Variants in C10orf90 observed in about 807,000 individuals in gnomAD.
C10orf90 encodes the protein chromosome 10 open reading frame 90.
A neutral mutation model predicts 62.5 loss-of-function variants in C10orf90; 56 were observed. That is an observed-to-expected ratio of 0.90 (90% CI 0.72 to 1.12). C10orf90 has a LOEUF of 1.12. C10orf90 is among the 50% of genes most tolerant of loss of function. The pLI, the probability that C10orf90 is intolerant of heterozygous loss-of-function variation, is 0.00. For synonymous variants in C10orf90, 386 were observed against 340.4 expected, an observed-to-expected ratio of 1.13 and a Z score of -1.47; for missense variants, 970 against 880.4, an observed-to-expected ratio of 1.10 and a Z score of -1.29.
chr10:126,646,165 T>C (rs1330414444), intron 2 of C10orf90, among the ~76,000 whole-genome samples: 3 of 152,346 alleles, frequency 2.0e-5, no homozygotes, highest in African/African-American at 7.2e-5. Flanking sequence ...GAATGGAAGC[T>C]TTATAAAAAA....
At chr10:126,559,133 T>C (rs892408216) in intron 2 of C10orf90, among the ~76,000 whole-genome samples, 2 of 152,368 alleles carry the variant, frequency 1.3e-5, no homozygotes, top group Non-Finnish European at 2.9e-5. Flanking sequence ...TATACCTGGC[T>C]GTGTTGTTTA....
intron 2 of C10orf90, among the ~76,000 whole-genome samples, chr10:126,609,794 T>C (rs777241441): frequency 4.4e-4 from 67 of 152,200 alleles, no homozygotes; most frequent in Non-Finnish European, 9.0e-4. Flanking sequence ...TGGCTCTGCA[T>C]GGGCAGGGGG....
intron 4 of C10orf90, among the ~76,000 whole-genome samples, chr10:126,500,168 C>A (rs1352308257): frequency 1.3e-5 from 2 of 152,164 alleles, no homozygotes; most frequent in African/African-American, 4.8e-5. Context: ...GGGTAACTGG[C>A]AACCAAATAC....
intron 2 of C10orf90, among the ~76,000 whole-genome samples, chr10:126,566,552 G>A (rs528112521): frequency 4.6e-5 from 7 of 152,160 alleles, no homozygotes; most frequent in East Asian, 1.9e-4. Context: ...CCTGAAAGGC[G>A]AGAAGGAAGG....
In C10orf90 at chr10:126,582,473, T is replaced by G. The variant is rs1240987908; in HGVS notation, c.313+64092A>C. On this transcript the variant is annotated intron_variant, in intron 2 of 9. Coordinates refer to ENST00000488181, the MANE Select transcript of C10orf90 (RefSeq NM_001350921.2). The stretch of plus-strand genomic sequence containing the variant: ...AACAAGGAGGGTGGATGTGCATATC[T>G]GCAACCTGCTGAGACACCAGCGTTC... 3.9e-5 allele frequency among the ~76,000 whole-genome samples: 6 copies of G among 152,222 alleles called. No individual in the cohort carries two copies. The East Asian group carries it at 1.2e-3, about 29-fold the overall frequency.
At chr10:126,438,541 G>A (rs987471215) in intron 7 of C10orf90, among the ~76,000 whole-genome samples, 2 of 152,032 alleles carry the variant, frequency 1.3e-5, no homozygotes, top group Admixed American at 6.5e-5. Context: ...TACAGTATAC[G>A]ACAAATAACA....
intron 3 of C10orf90, among the ~76,000 whole-genome samples, chr10:126,512,921 A>C (rs1411672788): frequency 6.6e-6 from 1 of 152,182 alleles, no homozygotes; most frequent in African/African-American, 2.4e-5. Context: ...GAGCTTTATT[A>C]AATACGGAGC....
intron 2 of C10orf90, among the ~76,000 whole-genome samples, chr10:126,622,783 T>C (rs1845671574): frequency 1.3e-5 from 2 of 152,240 alleles, no homozygotes; most frequent in Non-Finnish European, 2.9e-5. Context: ...TCCCTGGCTC[T>C]GACAGCATTA....
intron 7 of C10orf90, among the ~76,000 whole-genome samples, chr10:126,450,006 A>G (rs1045940466): frequency 2.0e-5 from 3 of 152,078 alleles, no homozygotes; most frequent in African/African-American, 7.2e-5. Flanking sequence ...AAAAAAAAAA[A>G]AAATCAGTAG....
chr10:126,638,752 G>T (rs182525062), intron 2 of C10orf90, among the ~76,000 whole-genome samples: 1 of 152,048 alleles, frequency 6.6e-6, no homozygotes, highest in African/African-American at 2.4e-5. Flanking sequence ...AAGTCACCCC[G>T]CCCTCTTTTT....
At chr10:126,539,212 T>C (rs1864317219) in intron 2 of C10orf90, among the ~76,000 whole-genome samples, 1 of 152,188 alleles carries the variant, frequency 6.6e-6, no homozygotes, top group Admixed American at 6.6e-5. Flanking sequence ...AGCAACCCAT[T>C]TGAATTAGCG....
chr10:126,469,931 A>G, intron 4 of C10orf90: 1 of 456,724 alleles, frequency 2.2e-6, no homozygotes, highest in South Asian at 1.5e-5. Flanking sequence ...AGGGGAAGGA[A>G]GGTGTTCTTC....
At chr10:126,461,711 G>C (rs541607079) in intron 5 of C10orf90, 126 bp from the exon 6 acceptor site, 495 of 960,398 alleles carry the variant, frequency 5.2e-4, no homozygotes, top group South Asian at 1.9e-3. Flanking sequence ...AATGGGCCTC[G>C]TTAAGCTGAC....
chr10:126,576,670 T>TAAAGAAA (rs1844619477), intron 2 of C10orf90, among the ~76,000 whole-genome samples: 2 of 32,940 alleles, frequency 6.1e-5, no homozygotes, highest in African/African-American at 1.6e-4. Context: ...TATACATATA[T>TAAAGAAA]ATGTATACAT....
chr10:126,497,615 G>T (rs769219396), intron 4 of C10orf90, among the ~76,000 whole-genome samples: 3 of 152,192 alleles, frequency 2.0e-5, no homozygotes, highest in Non-Finnish European at 4.4e-5. Context: ...GGAAAAAACA[G>T]AGACCTCGCA....
chr10:126,639,661 G>A (rs931842985), intron 2 of C10orf90, among the ~76,000 whole-genome samples: 1 of 152,226 alleles, frequency 6.6e-6, no homozygotes, highest in African/African-American at 2.4e-5. Flanking sequence ...TGGTACACAA[G>A]AGGCAGTAAC....
At chr10:126,613,754 G>T (rs968342690) in intron 2 of C10orf90, among the ~76,000 whole-genome samples, 2 of 152,208 alleles carry the variant, frequency 1.3e-5, no homozygotes, top group African/African-American at 4.8e-5. Context: ...ACAAGCACGT[G>T]ACCTTCAGGT....
chr10:126,633,304 A>G (rs562290528), intron 2 of C10orf90, among the ~76,000 whole-genome samples: 2 of 152,368 alleles, frequency 1.3e-5, no homozygotes, highest in East Asian at 1.9e-4. Flanking sequence ...GTCTTGGAGA[A>G]TATCTCACAG....
intron 2 of C10orf90, among the ~76,000 whole-genome samples, chr10:126,608,255 C>T (rs1242950487): frequency 6.6e-6 from 1 of 152,072 alleles, no homozygotes; most frequent in Non-Finnish European, 1.5e-5. Context: ...ACTACAGGCA[C>T]ACACTACCAT....
Sources: allele counts gnomAD v4.1 joint callset (sites outside exome capture counted in the v4.1 genomes callset), GRCh38; gene constraint gnomAD v4.1.1; transcripts MANE v1.5; gene names NCBI Gene and HGNC (gene_info 2026-07-23, HGNC 2026-07-21).